Variants in VPS13B observed in about 807,000 individuals in gnomAD.
The protein encoded by VPS13B is vacuolar protein sorting 13 homolog B, also known as intermembrane lipid transfer protein VPS13B.
In VPS13B, 285 loss-of-function variants were observed where a neutral mutation model predicts 426.4. That is an observed-to-expected ratio of 0.67 (90% CI 0.61 to 0.74). The LOEUF (loss-of-function observed/expected upper bound fraction) is 0.74, where lower values mean the gene tolerates loss of function less well. Among genes scored for constraint, VPS13B ranks in the 30% least tolerant of loss-of-function variants. VPS13B has a pLI of 0.00. For missense variants in VPS13B, 4,537 were observed against 4,782.6 expected (o/e 0.95, Z 1.51); for synonymous variants, 1,676 against 1,676.4 (o/e 1.00, Z 0.01).
intron 5 of VPS13B, among the ~76,000 whole-genome samples, chr8:99,107,191 A>G (rs893244248): frequency 6.6e-6 from 1 of 152,182 alleles, no homozygotes; most frequent in African/African-American, 2.4e-5. Context: ...TAAGAATTGT[A>G]ATATCTTTGT....
chr8:99,224,186 G>A (rs765010368), intron 17 of VPS13B, among the ~76,000 whole-genome samples: 2 of 152,176 alleles, frequency 1.3e-5, no homozygotes, highest in South Asian at 4.1e-4. Context: ...GTGCTTGTAA[G>A]TGCTGTACTA....
intron 24 of VPS13B, among the ~76,000 whole-genome samples, chr8:99,472,569 T>C (rs1334762866): frequency 6.6e-6 from 1 of 150,792 alleles, no homozygotes; most frequent in Non-Finnish European, 1.5e-5. Flanking sequence ...TTTAAAGACA[T>C]ATTAGAAAGG....
chr8:99,872,095 C>A (rs35769167), intron 61 of VPS13B, among the ~76,000 whole-genome samples: 26,139 of 152,018 alleles, frequency 0.17, 2,386 homozygotes, highest in African/African-American at 0.25. Flanking sequence ...CAATTCCACG[C>A]AACTGCTCCA....
At chr8:99,409,632 A>G (rs1466745838) in intron 21 of VPS13B, among the ~76,000 whole-genome samples, 1 of 152,194 alleles carries the variant, frequency 6.6e-6, no homozygotes, top group African/African-American at 2.4e-5. Flanking sequence ...AAAGACCCCC[A>G]CAAAATAACC....
chr8:99,696,387 C>G, intron 35 of VPS13B: 1 of 318,320 alleles, frequency 3.1e-6, no homozygotes, highest in Admixed American at 4.1e-5. Flanking sequence ...GGATCCATGC[C>G]AAGATCGTGG....
intron 35 of VPS13B, among the ~76,000 whole-genome samples, chr8:99,663,400 G>A (rs1830320227): frequency 6.6e-6 from 1 of 152,072 alleles, no homozygotes; most frequent in African/African-American, 2.4e-5. Context: ...ATGAAGGAAA[G>A]CAAGAAACTG....
At chr8:99,176,557 T>C (rs1452093669) in intron 16 of VPS13B, among the ~76,000 whole-genome samples, 1 of 152,166 alleles carries the variant, frequency 6.6e-6, no homozygotes, top group African/African-American at 2.4e-5. Context: ...GTACCACAGA[T>C]TGAATTCTGC....
At chr8:99,273,783 AC>A (rs1818739393) in intron 17 of VPS13B, among the ~76,000 whole-genome samples, 1 of 151,724 alleles carries the variant, frequency 6.6e-6, no homozygotes, top group African/African-American at 2.4e-5. Context: ...ACAGAGTGAG[AC>A]TCTGTCTCAA....
chr8:99,117,117 T>C (rs1847699255), intron 7 of VPS13B, among the ~76,000 whole-genome samples: 1 of 152,090 alleles, frequency 6.6e-6, no homozygotes, highest in Admixed American at 6.6e-5. Context: ...TTAATTTCCA[T>C]AGATAAAGCC....
chr8:99,772,880 G>C (rs1341324303), intron 40 of VPS13B, among the ~76,000 whole-genome samples: 2 of 152,176 alleles, frequency 1.3e-5, no homozygotes, highest in Non-Finnish European at 2.9e-5. Context: ...GGGATGGACA[G>C]AGCAGTGTTC....
chr8:99,342,961 C>T (rs1811331630), intron 19 of VPS13B, among the ~76,000 whole-genome samples: 1 of 152,116 alleles, frequency 6.6e-6, no homozygotes, highest in Non-Finnish European at 1.5e-5. Flanking sequence ...GGTGACTTCT[C>T]ATTGTGGTTT....
At position 99,103,873 on chromosome 8, in the gene VPS13B, C is replaced by A. The variant is rs1374997084; in HGVS notation, c.580+753C>A. 2.6e-4 allele frequency among the ~76,000 whole-genome samples: 39 copies of A among 152,056 alleles called. 1 individual carries two copies. The highest frequency in any genetic ancestry group is 2.5e-3 in the Admixed American group (38 of 15,262). On this transcript the variant is annotated intron_variant, in intron 5 of 61. Coordinates refer to ENST00000357162, the MANE Select transcript of VPS13B (RefSeq NM_152564.5). ...TTGGTCTTGAACTCCTGAGCTCTAG[C>A]GATTTGCCTGCCTTGGCCCCTCAAA...
chr8:99,467,316 A>G (rs1819163110), intron 23 of VPS13B, 98 bp from the exon 24 acceptor site: 1 of 1,195,236 alleles, frequency 8.4e-7, no homozygotes. Flanking sequence ...ATGCAGTATT[A>G]GTCATAAATG....
chr8:99,748,766 G>C (rs1810248362), intron 39 of VPS13B, among the ~76,000 whole-genome samples: 1 of 151,930 alleles, frequency 6.6e-6, no homozygotes, highest in African/African-American at 2.4e-5. Context: ...ATATACTCAG[G>C]AGTATATAGT....
At chr8:99,100,529 A>T (rs1846677044) in intron 4 of VPS13B, among the ~76,000 whole-genome samples, 1 of 152,050 alleles carries the variant, frequency 6.6e-6, no homozygotes. Context: ...AGCTCAAATG[A>T]TCTGTCTGCT....
At chr8:99,221,519 T>C (rs1455296432) in intron 17 of VPS13B, among the ~76,000 whole-genome samples, 1 of 152,252 alleles carries the variant, frequency 6.6e-6, no homozygotes, top group Admixed American at 6.5e-5. Flanking sequence ...ATAACTATTT[T>C]CTTATGAATA....
intron 21 of VPS13B, among the ~76,000 whole-genome samples, chr8:99,408,999 G>T (rs1423189751): frequency 1.3e-5 from 2 of 152,104 alleles, no homozygotes; most frequent in East Asian, 1.9e-4. Flanking sequence ...AGAAATTTTA[G>T]TGACTCAACA....
chr8:99,732,539 G>T (rs745832197), intron 39 of VPS13B, among the ~76,000 whole-genome samples: 3 of 152,222 alleles, frequency 2.0e-5, no homozygotes, highest in Non-Finnish European at 4.4e-5. Flanking sequence ...TGCAGAGGAA[G>T]AAAGAAAGAG....
Position 99,642,412 on chromosome 8 carries a change from T to G in VPS13B, c.5822T>G (p.Leu1941Arg), listed in dbSNP as rs747729167. Reference protein sequence around the residue: ...YFIVSQPSLLLSCHHRKQRVE... With the variant: ...YFIVSQPSLLRSCHHRKQRVE... ...ATTGTGTCCCAGCCTTCCTTGCTTC[T>G]GAGTTGTCACCACAGAAAGCAGCGA... Residue 1941 changes from leucine to arginine, a missense_variant, in exon 34 of 62, where the codon CTG (leucine) becomes CGG (arginine). Around this residue, in one of 2 missense-constraint regions of VPS13B, gnomAD observed 4,311 missense variants for 4,474.3 expected, o/e 0.96. Transcript: ENST00000357162. The G allele has an allele frequency of 6.2e-7, 1 of 1,614,120 alleles. No individual in the cohort carries two copies. The highest frequency in any genetic ancestry group is 8.5e-7 in the Non-Finnish European group (1 of 1,180,006).
Sources: allele counts gnomAD v4.1 joint callset (sites outside exome capture counted in the v4.1 genomes callset), GRCh38; gene constraint gnomAD v4.1.1; regional missense constraint gnomAD v4.1.1; transcripts MANE v1.5; gene names NCBI Gene and HGNC (gene_info 2026-07-23, HGNC 2026-07-21).